Variants in LHPP observed in about 807,000 individuals in gnomAD.
LHPP encodes the protein phospholysine phosphohistidine inorganic pyrophosphate phosphatase.
Under a neutral mutation model 30.3 loss-of-function variants are expected in LHPP, and 24 were observed. The observed-to-expected ratio is 0.79, with a 90% confidence interval of 0.57 to 1.11. The LOEUF (loss-of-function observed/expected upper bound fraction) is 1.11. Among genes scored for constraint, LHPP ranks in the 50% most tolerant of loss-of-function variants. The pLI is 0.00. For synonymous variants in LHPP, 150 were observed against 157.1 expected (o/e 0.95, Z 0.34); for missense variants, 356 against 367.2 (o/e 0.97, Z 0.25).
At chr10:124,610,277 G>C (rs527290445) in intron 6 of LHPP, among the ~76,000 whole-genome samples, 2 of 152,348 alleles carry the variant, frequency 1.3e-5, no homozygotes, top group East Asian at 3.9e-4. Flanking sequence ...ACTGACACGG[G>C]TTGTTCTTGC....
intron 5 of LHPP, among the ~76,000 whole-genome samples, chr10:124,514,475 G>A (rs113526303): frequency 1.3e-5 from 2 of 152,126 alleles, no homozygotes; most frequent in Admixed American, 6.5e-5. Flanking sequence ...AATTCTAGAT[G>A]GGCAGTTTTT....
chr10:124,498,030 T>C lies in LHPP; in HGVS notation c.532-6T>C. On this transcript the variant is annotated splice_region_variant and splice_polypyrimidine_tract_variant and intron_variant, in intron 4 of 6. Transcript: ENST00000368842. ...ACTTATGCCATGTCCCTCTCTCTTT[T>C]CCCAGTATGCCTGTGGCATCAAAGC... 6.2e-7 allele frequency: 1 copy of C among 1,612,386 alleles called. No homozygotes were observed.
intron 6 of LHPP, among the ~76,000 whole-genome samples, chr10:124,529,221 G>A (rs1188664842): frequency 6.6e-6 from 1 of 151,844 alleles, no homozygotes; most frequent in Non-Finnish European, 1.5e-5. Context: ...ATTTTTAGTA[G>A]AGACGGGGTT....
intron 6 of LHPP, among the ~76,000 whole-genome samples, chr10:124,582,630 C>T (rs1948756850): frequency 6.6e-6 from 1 of 152,092 alleles, no homozygotes; most frequent in Admixed American, 6.5e-5. Flanking sequence ...AAAACATAAA[C>T]AATTGGTTAA....
At position 124,605,821 on chromosome 10, in the gene LHPP, C is replaced by G. The variant is rs1245822262; in HGVS notation, c.717-7443C>G. On this transcript the variant is annotated intron_variant, in intron 6 of 6. Transcript: ENST00000368842. ...CTGGCTGCAAAAGAGGAGAGGGGGCCAGGCAGGAGGGAGAGCCAGTGGAGG... is the reference window on the plus strand; with the variant it reads ...CTGGCTGCAAAAGAGGAGAGGGGGCGAGGCAGGAGGGAGAGCCAGTGGAGG... 6.0e-5 allele frequency among the ~76,000 whole-genome samples: 3 copies of G among 49,992 alleles called. No homozygotes were observed. The East Asian group carries it at 7.9e-3, about 131-fold the overall frequency. 32.8% of individuals were successfully genotyped at this position (49,992 alleles called of 152,430 possible).
rs1438212723 is a variant in LHPP at position 124,541,339 on chromosome 10, T to C, written c.716+24068T>C. 6.6e-6 allele frequency among the ~76,000 whole-genome samples: 1 copy of C among 152,202 alleles called. No individual in the cohort carries two copies. The highest frequency in any genetic ancestry group is 1.5e-5 in the Non-Finnish European group (1 of 68,030). On this transcript the variant is annotated intron_variant, in intron 6 of 6. Coordinates refer to ENST00000368842, the MANE Select transcript of LHPP (RefSeq NM_022126.4). This position sits in a 1 kb window ranked among gnomAD's most constrained non-coding sequence, Gnocchi z 4.2. ...GCTGACTTTATCGAGGGCTGCTTTGTGGCGGGCGTTCATTGTGGAAAGAGC... is the reference window on the plus strand; with the variant it reads ...GCTGACTTTATCGAGGGCTGCTTTGCGGCGGGCGTTCATTGTGGAAAGAGC...
rs1288273178 is a variant in LHPP, at chr10:124,516,618, G to GCCT, written c.625-562_625-561insCCT. On this transcript the variant is annotated intron_variant, in intron 5 of 6. Transcript: ENST00000368842. ...TAATTTGGTTTTCTGGTTTTTTCAG[G>GCCT]TGAGAGAGTTTATCCCAGAGGCTAG... 2.0e-3 allele frequency among the ~76,000 whole-genome samples: 308 copies of GCCT among 152,286 alleles called. 4 individuals are homozygous for GCCT. The highest frequency in any genetic ancestry group is 6.7e-3 in the African/African-American group (280 of 41,544).
chr10:124,474,957 G>T (rs1254804239), intron 1 of LHPP, among the ~76,000 whole-genome samples: 2 of 151,670 alleles, frequency 1.3e-5, no homozygotes, highest in African/African-American at 4.8e-5. Context: ...CAGAGACGTG[G>T]TTGTCATTGT....
chr10:124,547,800 T>C (rs1010898523), intron 6 of LHPP, among the ~76,000 whole-genome samples: 1 of 152,274 alleles, frequency 6.6e-6, no homozygotes, highest in Non-Finnish European at 1.5e-5. Flanking sequence ...AGCACTTCCT[T>C]GCTTCTAAAC....
intron 1 of LHPP, among the ~76,000 whole-genome samples, chr10:124,465,437 A>G (rs916414679): frequency 2.0e-5 from 3 of 152,238 alleles, no homozygotes; most frequent in African/African-American, 7.2e-5. Flanking sequence ...AGTGAGACAT[A>G]CAAGTCAAAT....
chr10:124,501,601 TAAAAAAAAA>T (rs1046422221), intron 5 of LHPP, among the ~76,000 whole-genome samples: 1 of 116,410 alleles, frequency 8.6e-6, no homozygotes, highest in African/African-American at 3.3e-5. Flanking sequence ...GACTCTGTCT[TAAAAAAAAA>T]AAAAAAAAAA....
intron 1 of LHPP, among the ~76,000 whole-genome samples, chr10:124,479,417 A>G (rs1047892515): frequency 6.6e-6 from 1 of 152,228 alleles, no homozygotes; most frequent in Non-Finnish European, 1.5e-5. Context: ...ATCTGGTGGC[A>G]GGCCCCACGG....
chr10:124,550,253 T>A (rs778843829), intron 6 of LHPP, among the ~76,000 whole-genome samples: 1 of 152,250 alleles, frequency 6.6e-6, no homozygotes, highest in Non-Finnish European at 1.5e-5. Context: ...TCTTATGGCC[T>A]CTGCCCCCAG....
chr10:124,481,330 C>T (rs1329329906), intron 1 of LHPP, among the ~76,000 whole-genome samples: 7 of 151,052 alleles, frequency 4.6e-5, no homozygotes, highest in Non-Finnish European at 8.8e-5. Context: ...GTATTTGGGG[C>T]CCTCTCTCAC....
chr10:124,583,826 C>G (rs1376066817), intron 6 of LHPP, among the ~76,000 whole-genome samples: 1 of 152,154 alleles, frequency 6.6e-6, no homozygotes, highest in Non-Finnish European at 1.5e-5. Context: ...TGGGTGGGGA[C>G]AAATATTCAA....
intron 3 of LHPP, among the ~76,000 whole-genome samples, chr10:124,489,531 T>G (rs1232818277): frequency 2.0e-5 from 3 of 152,192 alleles, no homozygotes; most frequent in African/African-American, 4.8e-5. Flanking sequence ...CTCGGCTCGC[T>G]GCAACCTCTC....
chr10:124,500,433 C>T (rs12570062), intron 5 of LHPP, among the ~76,000 whole-genome samples: 11,370 of 152,038 alleles, frequency 0.075, 665 homozygotes, highest in South Asian at 0.25. Flanking sequence ...AATTGTGCCA[C>T]TGCATTCCAG....
chr10:124,520,241 T>A (rs1954576714), intron 6 of LHPP, among the ~76,000 whole-genome samples: 1 of 151,708 alleles, frequency 6.6e-6, no homozygotes, highest in Admixed American at 6.6e-5. Flanking sequence ...ATCACTCAGA[T>A]ATTAAACCTA....
intron 6 of LHPP, among the ~76,000 whole-genome samples, chr10:124,585,900 T>G (rs1948798665): frequency 1.3e-5 from 2 of 152,074 alleles, no homozygotes; most frequent in Admixed American, 1.3e-4. Context: ...TTCTCCTGCC[T>G]CAGCCTCCGG....
Sources: gnomAD v4.1 joint callset for allele counts (sites outside exome capture counted in the v4.1 genomes callset) on GRCh38, gnomAD v4.1.1 for gene constraint, Gnocchi (gnomAD v3.1) non-coding constraint, MANE v1.5 for transcripts, NCBI Gene and HGNC (gene_info 2026-07-23, HGNC 2026-07-21) for gene names.